RRM2: variants seen among roughly 807,000 people sequenced by gnomAD.
RRM2 encodes the protein ribonucleoside-diphosphate reductase subunit M2.
Under a neutral mutation model 45.9 loss-of-function variants are expected in RRM2, and 6 were observed. The observed-to-expected ratio is 0.13, with a 90% CI of 0.07 to 0.26. The LOEUF (loss-of-function observed/expected upper bound fraction) is 0.26. Among genes scored for constraint, RRM2 ranks in the 10% least tolerant of loss-of-function variants. The pLI, the probability that RRM2 is intolerant of heterozygous loss-of-function variation, is 1.00. For synonymous variants in RRM2, 177 were observed against 173.0 expected (o/e 1.02, Z -0.18); for missense variants, 343 against 489.5 (o/e 0.70, Z 2.82).
At chr2:10,152,918 CCATATGACTGACCAAA>C (rs1663346898) in intron 3 of RRM2, among the ~76,000 whole-genome samples, 1 of 152,182 alleles carries the variant, frequency 6.6e-6, no homozygotes, top group South Asian at 2.1e-4. Flanking sequence ...AATAGAACTA[CCATATGACTGACCAAA>C]GGAAATTATA....
chr2:10,165,744 A>T (rs1410275220), intron 3 of RRM2, among the ~76,000 whole-genome samples: 1 of 152,236 alleles, frequency 6.6e-6, no homozygotes, highest in Non-Finnish European at 1.5e-5. Context: ...GTTCACCCAG[A>T]GAGACCGGGA....
exon 2 of RRM2, chr2:10,141,933 C>G (rs1663089382): frequency 6.3e-7 from 1 of 1,577,790 alleles, no homozygotes; most frequent in African/African-American, 1.3e-5. Context: ...GAGATGGAGA[C>G]CAATCACCCA....
At chr2:10,174,298 G>A (rs559395005) in intron 3 of RRM2, among the ~76,000 whole-genome samples, 2 of 145,438 alleles carry the variant, frequency 1.4e-5, no homozygotes, top group South Asian at 2.2e-4. Context: ...AGACAGCAGC[G>A]CTTGGGGAGA....
chr2:10,146,730 G>T (rs886424397), intron 3 of RRM2, among the ~76,000 whole-genome samples: 2 of 152,210 alleles, frequency 1.3e-5, no homozygotes, highest in Non-Finnish European at 2.9e-5. Flanking sequence ...GAAGGGTAGG[G>T]AGGAGGAGGA....
intron 3 of RRM2, among the ~76,000 whole-genome samples, chr2:10,161,448 C>T (rs1453123762): frequency 2.0e-5 from 3 of 152,230 alleles, no homozygotes; most frequent in Non-Finnish European, 4.4e-5. Flanking sequence ...CCACCACCCG[C>T]GTGCACGAGG....
intron 3 of RRM2, among the ~76,000 whole-genome samples, chr2:10,174,297 C>T (rs958775215): frequency 2.1e-5 from 3 of 145,466 alleles, no homozygotes; most frequent in Admixed American, 7.0e-5. Context: ...AAGACAGCAG[C>T]GCTTGGGGAG....
rs897896773 is a variant in RRM2, at chr2:10,127,561, G to A, written c.798+341G>A. Among the ~76,000 whole-genome samples the A allele has an allele frequency of 6.6e-6, 1 of 152,084 alleles. No individual in the cohort carries two copies. The highest frequency in any genetic ancestry group is 1.5e-5 in the Non-Finnish European group (1 of 68,004). ...GTGATCTTGGCTCACTGCAACCTCT[G>A]CCTCCTAGGTTCAAGTGATTCTCCC... On this transcript the variant is annotated intron_variant, in intron 7 of 9. Transcript: ENST00000304567. The surrounding 1 kb of genome is among the most constrained non-coding windows in gnomAD (Gnocchi z 4.1).
At chr2:10,152,806 C>G (rs1663340839) in intron 3 of RRM2, among the ~76,000 whole-genome samples, 2 of 151,826 alleles carry the variant, frequency 1.3e-5, no homozygotes, top group Admixed American at 1.3e-4. Context: ...CTTAAGAAAT[C>G]TTTCCCTGTG....
At chr2:10,125,563 G>T (rs539319390) in intron 5 of RRM2, among the ~76,000 whole-genome samples, 1 of 152,170 alleles carries the variant, frequency 6.6e-6, no homozygotes, top group African/African-American at 2.4e-5. Flanking sequence ...AAGTGGTGGC[G>T]GGCGCCTGTA....
At chr2:10,202,425 A>T (rs180979089) in intron 3 of RRM2, among the ~76,000 whole-genome samples, 14 of 152,372 alleles carry the variant, frequency 9.2e-5, no homozygotes, top group African/African-American at 3.4e-4. Context: ...AAGCGGCTCA[A>T]CAGTCAAAGA....
At chr2:10,206,292 A>G (rs921676030) in intron 3 of RRM2, among the ~76,000 whole-genome samples, 3 of 152,114 alleles carry the variant, frequency 2.0e-5, no homozygotes, top group Non-Finnish European at 2.9e-5. Context: ...TATGACCCAG[A>G]AATTTCAGTT....
chr2:10,180,096 G>A (rs1422596415), intron 3 of RRM2, among the ~76,000 whole-genome samples: 1 of 152,194 alleles, frequency 6.6e-6, no homozygotes, highest in Non-Finnish European at 1.5e-5. Context: ...CCCCAGAGGA[G>A]GTCTGGGTCT....
intron 3 of RRM2, among the ~76,000 whole-genome samples, chr2:10,200,519 GGA>G (rs1664536304): frequency 1.9e-4 from 2 of 10,390 alleles, no homozygotes; most frequent in African/African-American, 3.5e-4. Flanking sequence ...AGGCCCACAG[GGA>G]CTGCGCGCAC....
At chr2:10,196,770 G>A (rs1319761467) in intron 3 of RRM2, among the ~76,000 whole-genome samples, 1 of 152,246 alleles carries the variant, frequency 6.6e-6, no homozygotes, top group Non-Finnish European at 1.5e-5. Flanking sequence ...CCAAGCCAGA[G>A]CCGGGAGGCC....
At chr2:10,210,696 T>G (rs1339502820) in exon 4 of RRM2, 1 of 1,124,558 alleles carries the variant, frequency 8.9e-7, no homozygotes, top group African/African-American at 1.6e-5. Context: ...GGTGGGAAAC[T>G]GGGGTGATGT....
Position 10,123,408 on chromosome 2 carries a change from G to A in RRM2, c.196G>A (p.Gly66Ser). 6.2e-7 allele frequency: 1 copy of A among 1,610,612 alleles called. No individual in the cohort carries two copies. The change falls in exon 3 of 10, where the codon GGC (glycine) becomes AGC (serine). Residue 66 changes from glycine to serine, a missense_variant. By Grantham distance (56) the Gly-to-Ser change is moderately conservative. This residue lies in a region of RRM2 where 131 missense variants were observed against 121.4 expected (regional missense o/e 1.08). Coordinates refer to ENST00000304567, the MANE Select transcript of RRM2 (RefSeq NM_001034.4). ...ACAGAAAACTAAAGCAGCTGCCCCC[G>A]GCGTGGAGGATGAGCCGCTGCTGAG... ...TEPKTKAAAPGVEDEPLLREN... is the reference protein window; with the variant it reads ...TEPKTKAAAPSVEDEPLLREN...
chr2:10,198,431 C>G (rs1664459678), intron 3 of RRM2, among the ~76,000 whole-genome samples: 1 of 150,192 alleles, frequency 6.7e-6, no homozygotes, highest in African/African-American at 2.5e-5. Context: ...TAGACAGGGT[C>G]TCGTGCTGTT....
chr2:10,160,934 C>G (rs911502984), intron 3 of RRM2, among the ~76,000 whole-genome samples: 1 of 152,174 alleles, frequency 6.6e-6, no homozygotes, highest in African/African-American at 2.4e-5. Context: ...CCTGAGACCC[C>G]CAGCCCTGCC....
chr2:10,160,839 G>A (rs922534476), intron 3 of RRM2, among the ~76,000 whole-genome samples: 1 of 152,204 alleles, frequency 6.6e-6, no homozygotes, highest in Non-Finnish European at 1.5e-5. Context: ...TTCTTGGGAA[G>A]CCAGGACCTT....
Sources: gnomAD v4.1 joint callset for allele counts (sites outside exome capture counted in the v4.1 genomes callset) on GRCh38, gnomAD v4.1.1 for gene constraint, gnomAD v4.1.1 regional missense constraint, Gnocchi (gnomAD v3.1) non-coding constraint, MANE v1.5 for transcripts, NCBI Gene and HGNC (gene_info 2026-07-23, HGNC 2026-07-21) for gene names.